The following NOL11 variants were observed in gnomAD, a reference collection of about 807,000 sequenced individuals.
The protein encoded by NOL11 is nucleolar protein 11.
Under a neutral mutation model 93.0 loss-of-function variants are expected in NOL11, and 42 were observed. The ratio of observed to expected loss-of-function variants is 0.45; its 90% CI spans 0.35 to 0.58. The LOEUF (loss-of-function observed/expected upper bound fraction) is 0.58. Among genes scored for constraint, NOL11 ranks in the 20% least tolerant of loss-of-function variants. NOL11 has a pLI of 0.00. For missense variants in NOL11, 775 were observed against 841.8 expected, an observed-to-expected ratio of 0.92 and a Z score of 0.98; for synonymous variants, 296 against 293.7, an observed-to-expected ratio of 1.01 and a Z score of -0.08.
intron 7 of NOL11, among the ~76,000 whole-genome samples, chr17:67,728,048 C>T (rs1230466238): frequency 6.6e-6 from 1 of 151,994 alleles, no homozygotes; most frequent in Non-Finnish European, 1.5e-5. Flanking sequence ...ATCACAAGGT[C>T]AGCAGATCAA....
chr17:67,725,194 A>T (rs936535042), intron 6 of NOL11, among the ~76,000 whole-genome samples: 1 of 152,236 alleles, frequency 6.6e-6, no homozygotes, highest in Non-Finnish European at 1.5e-5. Context: ...TAAACTGTCT[A>T]TGCTTGGCAT....
At chr17:67,739,404 C>T (rs569104162) in intron 15 of NOL11, 112 bp from the exon 16 acceptor site, 2 of 620,728 alleles carry the variant, frequency 3.2e-6, no homozygotes, top group African/African-American at 1.9e-5. Flanking sequence ...AGATGTCTGG[C>T]GTATTTGTTT....
rs758022549 is a variant in NOL11 at position 67,721,391 on chromosome 17, T to C, written c.326T>C (p.Val109Ala). ...KVFKATLSAE[V>A]YRILSVQGTE... Reference sequence around the variant, plus strand: ...ATGTTCTTCCAGTTGTCAGCAGAAGTATATAGGATACTTTCAGTGCAAGGG... The same window carrying C: ...ATGTTCTTCCAGTTGTCAGCAGAAGCATATAGGATACTTTCAGTGCAAGGG... The change falls in exon 4 of 18, where the codon GTA becomes GCA. Residue 109 changes from valine (V) to alanine (A), a missense_variant. Val to Ala is a moderately conservative substitution (Grantham distance 64). This residue lies in a region of NOL11 where 359 missense variants were observed against 316.5 expected (regional missense o/e 1.13). Coordinates refer to ENST00000253247, the MANE Select transcript of NOL11 (RefSeq NM_015462.5). The C allele has an allele frequency of 6.3e-7, 1 of 1,584,304 alleles. No homozygotes were observed. The highest frequency in any genetic ancestry group is 8.5e-7 in the Non-Finnish European group (1 of 1,169,754).
At chr17:67,736,168 A>G (rs1440658105) in intron 9 of NOL11, 145 bp downstream of exon 9, 11 of 738,544 alleles carry the variant, frequency 1.5e-5, no homozygotes, top group East Asian at 2.9e-5. Flanking sequence ...TGAACAGGCC[A>G]GGCACGGTGT....
At chr17:67,725,566 C>T (rs965550210) in intron 6 of NOL11, among the ~76,000 whole-genome samples, 9 of 152,040 alleles carry the variant, frequency 5.9e-5, no homozygotes, top group East Asian at 1.9e-4. Context: ...CAAATGTTTG[C>T]GGTGGCTATT....
intron 1 of NOL11, chr17:67,719,151 A>G (rs2043198615): frequency 6.6e-6 from 1 of 152,134 alleles, no homozygotes; most frequent in African/African-American, 2.4e-5. Context: ...GTAATCCCAG[A>G]ACTTCGGGAG....
chr17:67,738,960 G>A lies in NOL11; in HGVS notation c.1792G>A (p.Glu598Lys), dbSNP rs1283943146. Reference sequence around the variant, plus strand: ...TGCAATTCTTCATTCAGCATATAGCGAGACATTTCTTCTGCCTCATTTGAA... The same window carrying A: ...TGCAATTCTTCATTCAGCATATAGCAAGACATTTCTTCTGCCTCATTTGAA... ...LNAILHSAYS[E>K]TFLLPHLKDI... is the part of the protein sequence containing the mutation. Residue 598 changes from glutamate to lysine, a missense_variant, in exon 15 of 18, where the codon GAG becomes AAG. Physicochemically the swap from Glu to Lys is moderately conservative, Grantham distance 56. Coordinates refer to ENST00000253247, the MANE Select transcript of NOL11 (RefSeq NM_015462.5). 3 of 1,612,414 alleles carry A rather than the reference G, an allele frequency of 1.9e-6. No individual in the cohort carries two copies. Among genetic ancestry groups the A allele is most frequent in the East Asian group, 2.2e-5 (1 of 44,848 alleles).
chr17:67,723,498 C>T lies in NOL11; in HGVS notation c.520-551C>T, dbSNP rs539558768. ...CTGCCTCCTGGGTTCAAGCGATTCT[C>T]CTGTCTCAGCCTCCCAAGTAGCTGG... On this transcript the variant is annotated intron_variant, in intron 5 of 17. Coordinates refer to ENST00000253247, the MANE Select transcript of NOL11 (RefSeq NM_015462.5). Among the ~76,000 whole-genome samples the T allele has an allele frequency of 8.1e-5, 12 of 147,440 alleles. 2 individuals are homozygous for T. The highest frequency in any genetic ancestry group is 3.0e-4 in the African/African-American group (12 of 40,088).
Position 67,732,836 on chromosome 17 carries a change from A to C in NOL11, c.854-1527A>C, listed in dbSNP as rs1236875542. 2.0e-5 allele frequency among the ~76,000 whole-genome samples: 3 copies of C among 151,508 alleles called. No individual in the cohort carries two copies. In the East Asian group the frequency reaches 6.0e-4, roughly 30 times the overall value. ...CAATATGTCTGTCTCGGCCTCCCAAAGTGCTAGGATTACAGGCATGAGCCA... is the reference window on the plus strand; with the variant it reads ...CAATATGTCTGTCTCGGCCTCCCAACGTGCTAGGATTACAGGCATGAGCCA... On this transcript the variant is annotated intron_variant, in intron 7 of 17. Transcript: ENST00000253247.
chr17:67,725,779 G>A (rs9914409), intron 6 of NOL11, among the ~76,000 whole-genome samples: 3,810 of 152,208 alleles, frequency 0.025, 149 homozygotes, highest in African/African-American at 0.087. Flanking sequence ...AGGGTGATGA[G>A]GTAGGAAGAA....
rs866658867 is a variant in NOL11, at chr17:67,736,747, G to A, written c.1136G>A (p.Arg379Lys). 3 of 1,608,822 alleles carry A rather than the reference G, an allele frequency of 1.9e-6. No homozygotes were observed. Among genetic ancestry groups the A allele is most frequent in the South Asian group, 2.2e-5 (2 of 90,406 alleles). ...GLGFQNSEQS[R>K]RILRRRKIEV... Reference sequence around the variant, plus strand: ...GGGTTCCAGAACTCAGAGCAGTCAAGAAGAATTGTAAGTTTCGTAGTTGAA... The same window carrying A: ...GGGTTCCAGAACTCAGAGCAGTCAAAAAGAATTGTAAGTTTCGTAGTTGAA... The change falls in exon 10 of 18, where the codon AGA (arginine) becomes AAA (lysine). Residue 379 changes from arginine (R) to lysine (K), a missense_variant. By Grantham distance (26) the Arg-to-Lys change is conservative. Coordinates refer to ENST00000253247, the MANE Select transcript of NOL11 (RefSeq NM_015462.5).
At chr17:67,736,174 G>C (rs146560500) in intron 9 of NOL11, 151 bp downstream of exon 9, 1 of 708,880 alleles carries the variant, frequency 1.4e-6, no homozygotes, top group Non-Finnish European at 2.2e-6. Flanking sequence ...GGCCAGGCAC[G>C]GTGTCTCACC....
intron 16 of NOL11, among the ~76,000 whole-genome samples, chr17:67,743,155 G>A (rs2055270958): frequency 6.6e-6 from 1 of 152,126 alleles, no homozygotes. Context: ...GCTACTCTGG[G>A]AGGTTGAGGC....
rs552313878 is a variant in NOL11 at position 67,732,307 on chromosome 17, C to G, written c.854-2056C>G. ...GACCAGCCTGACCAACATGGAGAAACCCTGTCTCTACTGAAAGAAAATACA... is the reference window on the plus strand; with the variant it reads ...GACCAGCCTGACCAACATGGAGAAAGCCTGTCTCTACTGAAAGAAAATACA... On this transcript the variant is annotated intron_variant, in intron 7 of 17. Transcript: ENST00000253247. Among the ~76,000 whole-genome samples the G allele has an allele frequency of 2.6e-5, 4 of 152,008 alleles. No homozygotes were observed. The South Asian group carries it at 8.3e-4, about 32-fold the overall frequency.
intron 12 of NOL11, 37 bp from the exon 13 acceptor site, chr17:67,737,810 T>C: frequency 6.3e-6 from 10 of 1,589,766 alleles, no homozygotes; most frequent in Non-Finnish European, 7.7e-6. Context: ...GAGAATTTTC[T>C]TAATATGTAA....
Position 67,743,560 on chromosome 17 carries a change from A to T in NOL11, c.2017A>T (p.Asn673Tyr). ...GCCAGAAGCAAAGAGGCTACTGATA[A>T]ATCTTTACAAGCTTGTAAAATCTCA... ...MMPEAKRLLI[N>Y]LYKLVKSQIS... is the part of the protein sequence containing the mutation. The change falls in exon 17 of 18, where the codon AAT (asparagine) becomes TAT (tyrosine). Residue 673 changes from asparagine (N) to tyrosine (Y), a missense_variant. Asn to Tyr is a moderately radical substitution (Grantham distance 143). Around this residue, in one of 2 missense-constraint regions of NOL11, gnomAD observed 416 missense variants for 525.2 expected, o/e 0.79. Coordinates refer to ENST00000253247, the MANE Select transcript of NOL11 (RefSeq NM_015462.5). The T allele has an allele frequency of 6.2e-7, 1 of 1,603,386 alleles. No individual in the cohort carries two copies. Among genetic ancestry groups the T allele is most frequent in the South Asian group, 1.1e-5 (1 of 89,750 alleles).
chr17:67,741,165 G>T lies in NOL11; in HGVS notation c.1935+1557G>T, dbSNP rs201468849. Among the ~76,000 whole-genome samples the T allele has an allele frequency of 1.4e-4, 21 of 152,290 alleles. No homozygotes were observed. The East Asian group carries it at 4.1e-3, about 29-fold the overall frequency. On this transcript the variant is annotated intron_variant, in intron 16 of 17. Transcript: ENST00000253247. ...GCTCACTGCAACCTCCGCCTCCAGG[G>T]TTCAAGTGATTCTCCTGCCTCAGCC... is the stretch of plus-strand genomic sequence containing the variant.
chr17:67,736,643 T>G, intron 9 of NOL11, 23 bp from the exon 10 acceptor site: 1 of 1,481,198 alleles, frequency 6.8e-7, no homozygotes, highest in Non-Finnish European at 9.3e-7. Context: ...ATTCCAGAAA[T>G]TGTGCATTTT....
intron 7 of NOL11, 79 bp downstream of exon 7, chr17:67,726,727 C>A: frequency 2.7e-6 from 3 of 1,127,020 alleles, no homozygotes; most frequent in Non-Finnish European, 2.4e-6. Context: ...TTTTCTTTTT[C>A]ATTTCGTTAT....
Sources: gnomAD v4.1 joint callset for allele counts (sites outside exome capture counted in the v4.1 genomes callset) on GRCh38, gnomAD v4.1.1 for gene constraint, gnomAD v4.1.1 regional missense constraint, MANE v1.5 for transcripts, NCBI Gene and HGNC (gene_info 2026-07-23, HGNC 2026-07-21) for gene names.